Variants in BEND7 observed in about 807,000 individuals in gnomAD.
BEND7 encodes BEN domain containing 7, also known as BEN domain-containing protein 7.
In BEND7, 28 loss-of-function variants were observed where a neutral mutation model predicts 50.9. The ratio of observed to expected loss-of-function variants is 0.55; its 90% CI spans 0.41 to 0.75. BEND7 has a LOEUF of 0.75. BEND7 is among the 30% of genes least tolerant of loss of function. The pLI is 0.00. For synonymous variants in BEND7, 170 were observed against 183.9 expected, an observed-to-expected ratio of 0.92 and a Z score of 0.61; for missense variants, 477 against 491.3, an observed-to-expected ratio of 0.97 and a Z score of 0.28.
At chr10:13,521,400 T>C (rs1232392557) in intron 2 of BEND7, among the ~76,000 whole-genome samples, 1 of 152,188 alleles carries the variant, frequency 6.6e-6, no homozygotes, top group African/African-American at 2.4e-5. Context: ...GTCCTTTACA[T>C]AGTGCTGGCA....
intron 1 of BEND7, among the ~76,000 whole-genome samples, chr10:13,526,674 TAAAGGC>T (rs2079473827): frequency 1.3e-5 from 2 of 152,188 alleles, no homozygotes; most frequent in South Asian, 4.1e-4. Context: ...TTAAGCAGCT[TAAAGGC>T]AAGCACACAT....
intron 2 of BEND7, among the ~76,000 whole-genome samples, chr10:13,525,575 C>T (rs2079403693): frequency 1.3e-5 from 2 of 152,146 alleles, no homozygotes; most frequent in Admixed American, 1.3e-4. Flanking sequence ...CTATCAAGAG[C>T]TGGTTAGGCA....
At position 13,501,867 on chromosome 10, in the gene BEND7, C is replaced by T. The variant is rs183213047; in HGVS notation, c.146-1787G>A. 1.6e-3 allele frequency among the ~76,000 whole-genome samples: 241 copies of T among 151,786 alleles called. 7 individuals are homozygous for T. The South Asian group carries it at 0.038, about 24-fold the overall frequency. Reference sequence around the variant, plus strand: ...TCTCAAAAAAAAAAAAAATCTTAGGCCAGGGTATGTGTGTGTAAACATTCA... The same window carrying T: ...TCTCAAAAAAAAAAAAAATCTTAGGTCAGGGTATGTGTGTGTAAACATTCA... On this transcript the variant is annotated intron_variant, in intron 2 of 8. Transcript: ENST00000466271.
At chr10:13,494,398 AGAGT>A (rs1320937140) in intron 4 of BEND7, among the ~76,000 whole-genome samples, 1 of 152,236 alleles carries the variant, frequency 6.6e-6, no homozygotes, top group Non-Finnish European at 1.5e-5. Flanking sequence ...GCCTGGCGAC[AGAGT>A]GAGACTATGT....
At chr10:13,507,441 C>T (rs2077977803) in intron 2 of BEND7, among the ~76,000 whole-genome samples, 1 of 152,182 alleles carries the variant, frequency 6.6e-6, no homozygotes. Flanking sequence ...ACTATCATGT[C>T]CCGTTTTGTC....
rs190165112 is a variant in BEND7, at chr10:13,474,566, C to T, written c.1063+6333G>A. On this transcript the variant is annotated intron_variant, in intron 6 of 8. Coordinates refer to ENST00000466271, the MANE Select transcript of BEND7 (RefSeq NM_001369863.1). Reference sequence around the variant, plus strand: ...TTGGACTCGGGTTGATACCCGTCACCGCTGTTGGACTCGGGTCGATACCCG... The same window carrying T: ...TTGGACTCGGGTTGATACCCGTCACTGCTGTTGGACTCGGGTCGATACCCG... Among the ~76,000 whole-genome samples the T allele has an allele frequency of 5.5e-4, 83 of 151,146 alleles. 1 individual carries two copies. Among genetic ancestry groups the T allele is most frequent in the Admixed American group, 1.3e-3 (20 of 15,226 alleles).
intron 8 of BEND7, 191 bp downstream of exon 8, chr10:13,447,074 GT>G (rs1836502322): frequency 1.6e-6 from 1 of 620,962 alleles, no homozygotes. Context: ...TGAGAAAAAC[GT>G]TTTTCTATTC....
intron 6 of BEND7, among the ~76,000 whole-genome samples, chr10:13,476,126 T>C (rs1329443800): frequency 2.6e-5 from 4 of 152,086 alleles, no homozygotes; most frequent in East Asian, 1.9e-4. Flanking sequence ...CTAATGGAAA[T>C]AGAGATACTA....
chr10:13,468,254 G>C (rs1588753554), intron 6 of BEND7, among the ~76,000 whole-genome samples: 1 of 152,154 alleles, frequency 6.6e-6, no homozygotes, highest in Non-Finnish European at 1.5e-5. Flanking sequence ...GTACAGGTTA[G>C]GGCATCTGAA....
intron 2 of BEND7, among the ~76,000 whole-genome samples, chr10:13,523,420 G>A (rs145878703): frequency 1.6e-4 from 24 of 152,290 alleles, no homozygotes; most frequent in Middle Eastern, 3.4e-3. Flanking sequence ...ACTTGATGTG[G>A]GAACCTCTGC....
chr10:13,503,618 A>G (rs1363225478), intron 2 of BEND7, among the ~76,000 whole-genome samples: 4 of 152,238 alleles, frequency 2.6e-5, no homozygotes, highest in Non-Finnish European at 4.4e-5. Context: ...AGGCTGAGGC[A>G]GGAGAATCAC....
intron 6 of BEND7, among the ~76,000 whole-genome samples, chr10:13,460,869 A>G (rs1187649780): frequency 6.6e-6 from 1 of 152,236 alleles, no homozygotes; most frequent in African/African-American, 2.4e-5. Context: ...GCATTAATTC[A>G]AGACATATTT....
Position 13,472,664 on chromosome 10 carries a change from A to G in BEND7, c.1063+8235T>C, listed in dbSNP as rs1473329801. Among the ~76,000 whole-genome samples, 4 of 150,206 alleles carry G rather than the reference A, an allele frequency of 2.7e-5. No individual in the cohort carries two copies. The South Asian group carries it at 8.5e-4, about 32-fold the overall frequency. ...AGACTCGGGGTCGATACCCATCATC[A>G]CTGTTAGACTCAGGGTCGATACCCA... On this transcript the variant is annotated intron_variant, in intron 6 of 8. Coordinates refer to ENST00000466271, the MANE Select transcript of BEND7 (RefSeq NM_001369863.1).
Position 13,447,278 on chromosome 10 carries a change from G to T in BEND7, c.1222C>A (p.Leu408Ile), listed in dbSNP as rs766478506. ...GCGTTTTATTTACCTGTTGGTGGTAGAGCAATGCCGTCCAGTCTTTCATCA... is the reference window on the plus strand; with the variant it reads ...GCGTTTTATTTACCTGTTGGTGGTATAGCAATGCCGTCCAGTCTTTCATCA... ...DSDERLDGIA[L>I]PPTVV Residue 408 changes from leucine (L) to isoleucine (I), a missense_variant, in exon 8 of 9, where the codon CTA becomes ATA. Leu to Ile is a conservative substitution (Grantham distance 5). This residue lies in a region of BEND7 where 64 missense variants were observed against 68.5 expected (regional missense o/e 0.93). Transcript: ENST00000466271. 6.2e-7 allele frequency: 1 copy of T among 1,614,036 alleles called. No homozygotes were observed. Among genetic ancestry groups the T allele is most frequent in the Non-Finnish European group, 8.5e-7 (1 of 1,180,028 alleles).
intron 5 of BEND7, among the ~76,000 whole-genome samples, chr10:13,487,665 C>T (rs1056536748): frequency 2.1e-4 from 32 of 152,146 alleles, no homozygotes; most frequent in East Asian, 3.9e-4. Context: ...GGATTACAGG[C>T]GTGAGCCACC....
intron 2 of BEND7, among the ~76,000 whole-genome samples, chr10:13,502,041 A>G (rs1365620322): frequency 6.9e-6 from 1 of 144,380 alleles, no homozygotes; most frequent in East Asian, 2.3e-4. Flanking sequence ...ATAATGATCA[A>G]TATATGTATA....
chr10:13,512,161 G>A (rs952960662), intron 2 of BEND7, among the ~76,000 whole-genome samples: 1 of 152,204 alleles, frequency 6.6e-6, no homozygotes, highest in African/African-American at 2.4e-5. Flanking sequence ...GGGAGGCTGA[G>A]GCAGGAGGAT....
chr10:13,508,209 C>G (rs2078032325), intron 2 of BEND7, among the ~76,000 whole-genome samples: 1 of 152,198 alleles, frequency 6.6e-6, no homozygotes, highest in South Asian at 2.1e-4. Context: ...CAGCTGGCAG[C>G]CTGCAGGGAC....
At chr10:13,465,918 G>A (rs1006903872) in intron 6 of BEND7, among the ~76,000 whole-genome samples, 1 of 151,964 alleles carries the variant, frequency 6.6e-6, no homozygotes, top group Non-Finnish European at 1.5e-5. Flanking sequence ...CAGGGGTGGG[G>A]GGACAGACAA....
Sources: allele counts gnomAD v4.1 joint callset (sites outside exome capture counted in the v4.1 genomes callset), GRCh38; gene constraint gnomAD v4.1.1; regional missense constraint gnomAD v4.1.1; transcripts MANE v1.5; gene names NCBI Gene and HGNC (gene_info 2026-07-23, HGNC 2026-07-21).